The following EPHB1 variants were observed in gnomAD, a reference collection of about 807,000 sequenced individuals.
The protein encoded by EPHB1 is ephrin type-B receptor 1.
Under a neutral mutation model 94.4 loss-of-function variants are expected in EPHB1, and 30 were observed. The ratio of observed to expected loss-of-function variants is 0.32; its 90% CI spans 0.24 to 0.43. EPHB1 has a LOEUF of 0.43. EPHB1 is among the 20% of genes least tolerant of loss of function. The pLI is 1.00. For synonymous variants in EPHB1, 522 were observed against 489.1 expected (o/e 1.07, Z -0.89); for missense variants, 1,055 against 1,308.3 (o/e 0.81, Z 2.99).
chr3:135,078,332 C>G (rs1938022809), intron 3 of EPHB1, among the ~76,000 whole-genome samples: 1 of 152,180 alleles, frequency 6.6e-6, no homozygotes, highest in Non-Finnish European at 1.5e-5. Flanking sequence ...CCCAAGGGGC[C>G]TGAGGCTGCC....
At chr3:135,049,372 A>G (rs1180893692) in intron 3 of EPHB1, among the ~76,000 whole-genome samples, 1 of 152,256 alleles carries the variant, frequency 6.6e-6, no homozygotes, top group Non-Finnish European at 1.5e-5. Flanking sequence ...AATTGCAGTC[A>G]GATGATGGCT....
At chr3:134,991,915 C>T (rs1934817968) in intron 3 of EPHB1, among the ~76,000 whole-genome samples, 1 of 152,106 alleles carries the variant, frequency 6.6e-6, no homozygotes, top group Non-Finnish European at 1.5e-5. Flanking sequence ...GCTGCTTCTC[C>T]AGGTTGTGGT....
intron 3 of EPHB1, among the ~76,000 whole-genome samples, chr3:134,969,447 G>T (rs946512834): frequency 6.6e-6 from 1 of 152,190 alleles, no homozygotes; most frequent in East Asian, 1.9e-4. Flanking sequence ...TTCTCTTAGA[G>T]GAGCCCTGGG....
chr3:135,004,730 C>T (rs1018871777), intron 3 of EPHB1, among the ~76,000 whole-genome samples: 1 of 151,746 alleles, frequency 6.6e-6, no homozygotes, highest in African/African-American at 2.4e-5. Context: ...TACTGATACC[C>T]TTTCTTCCAG....
In EPHB1 at chr3:134,795,665, G is replaced by C; in HGVS notation, c.34G>C (p.Ala12Pro). 1.9e-6 allele frequency: 3 copies of C among 1,609,684 alleles called. No individual in the cohort carries two copies. Among genetic ancestry groups the C allele is most frequent in the Non-Finnish European group, 2.5e-6 (3 of 1,178,292 alleles). ...ALDYLLLLLL[A>P]SAVAAMEETL... Reference sequence around the variant, plus strand: ...GGATTATCTACTACTGCTCCTCCTGGCATCCGCAGTGGCTGCGATGGAAGG... The same window carrying C: ...GGATTATCTACTACTGCTCCTCCTGCCATCCGCAGTGGCTGCGATGGAAGG... The change falls in exon 1 of 16, where the codon GCA becomes CCA. Residue 12 changes from alanine (A) to proline (P), a missense_variant. By Grantham distance (27) the Ala-to-Pro change is conservative. Coordinates refer to ENST00000398015, the MANE Select transcript of EPHB1 (RefSeq NM_004441.5).
rs942280371 is a variant in EPHB1 at position 135,031,191 on chromosome 3, G to T, written c.806-75257G>T. ...GCAGAAATCACCTGTCTTCTGTGTC[G>T]TCAGGCTGAGAGCTGTAGACTGGAG... On this transcript the variant is annotated intron_variant, in intron 3 of 15. Transcript: ENST00000398015. Among the ~76,000 whole-genome samples, 3 of 152,316 alleles carry T rather than the reference G, an allele frequency of 2.0e-5. No individual in the cohort carries two copies. In the East Asian group the frequency reaches 5.8e-4, roughly 29 times the overall value.
intron 1 of EPHB1, among the ~76,000 whole-genome samples, chr3:134,851,394 C>G (rs1175558162): frequency 6.6e-6 from 1 of 152,134 alleles, no homozygotes; most frequent in Non-Finnish European, 1.5e-5. Flanking sequence ...CCTCTTTGCA[C>G]TTCCCCCTCT....
At chr3:135,123,665 C>A (rs553255559) in intron 4 of EPHB1, among the ~76,000 whole-genome samples, 1 of 152,330 alleles carries the variant, frequency 6.6e-6, no homozygotes, top group Non-Finnish European at 1.5e-5. Context: ...ACAGACAAGA[C>A]ATTCTGTCAC....
chr3:135,254,989 C>T (rs1356301610), intron 15 of EPHB1, among the ~76,000 whole-genome samples: 1 of 152,152 alleles, frequency 6.6e-6, no homozygotes, highest in Non-Finnish European at 1.5e-5. Context: ...TCTTGATTTT[C>T]TAGTTTATTT....
intron 3 of EPHB1, among the ~76,000 whole-genome samples, chr3:134,987,886 A>T (rs1336041484): frequency 6.6e-6 from 1 of 152,164 alleles, no homozygotes; most frequent in Non-Finnish European, 1.5e-5. Flanking sequence ...TTGATCTTGG[A>T]CGCCCAGCCT....
intron 13 of EPHB1, among the ~76,000 whole-genome samples, chr3:135,242,051 A>G (rs988189383): frequency 1.2e-4 from 19 of 152,212 alleles, no homozygotes; most frequent in African/African-American, 3.9e-4. Flanking sequence ...CCTTTGCTCC[A>G]TACTTACTAA....
At chr3:135,187,647 A>G (rs1475085217) in intron 10 of EPHB1, among the ~76,000 whole-genome samples, 1 of 152,120 alleles carries the variant, frequency 6.6e-6, no homozygotes, top group Non-Finnish European at 1.5e-5. Context: ...CTGCCTCTCT[A>G]TAAGGCTGTA....
intron 1 of EPHB1, among the ~76,000 whole-genome samples, chr3:134,922,768 G>A (rs1023200851): frequency 6.6e-6 from 1 of 152,176 alleles, no homozygotes; most frequent in Non-Finnish European, 1.5e-5. Context: ...CAGAGCTTCA[G>A]CAGAGCCCCT....
chr3:135,029,448 G>A (rs1441832333), intron 3 of EPHB1, among the ~76,000 whole-genome samples: 2 of 147,824 alleles, frequency 1.4e-5, no homozygotes, highest in African/African-American at 4.9e-5. Context: ...GCATTTGCTT[G>A]TCTATAAAGT....
chr3:135,214,556 C>G (rs4267663), intron 12 of EPHB1, among the ~76,000 whole-genome samples: 3 of 152,202 alleles, frequency 2.0e-5, no homozygotes, highest in Non-Finnish European at 4.4e-5. Flanking sequence ...CTCCAGAGGT[C>G]TTTGTTCTGT....
intron 1 of EPHB1, among the ~76,000 whole-genome samples, chr3:134,828,806 G>GACACC (rs2036531578): frequency 2.0e-5 from 3 of 152,176 alleles, no homozygotes; most frequent in Admixed American, 2.0e-4. Context: ...TCAGGGCATA[G>GACACC]ACACCTGGAT....
At chr3:135,207,957 C>T (rs1942941317) in intron 12 of EPHB1, among the ~76,000 whole-genome samples, 1 of 152,212 alleles carries the variant, frequency 6.6e-6, no homozygotes, top group Non-Finnish European at 1.5e-5. Flanking sequence ...TAACTGCAGT[C>T]ACCTCCCAGA....
At chr3:135,177,128 G>A (rs1259052300) in intron 9 of EPHB1, among the ~76,000 whole-genome samples, 3 of 152,110 alleles carry the variant, frequency 2.0e-5, no homozygotes, top group African/African-American at 7.2e-5. Flanking sequence ...AGCCACTTTG[G>A]GAGGGAGATG....
At chr3:135,165,222 G>A (rs1012136187) in intron 7 of EPHB1, among the ~76,000 whole-genome samples, 1 of 152,220 alleles carries the variant, frequency 6.6e-6, no homozygotes, top group Non-Finnish European at 1.5e-5. Flanking sequence ...CAGACAGGGT[G>A]AAATGTGCTT....
Sources: gnomAD v4.1 joint callset for allele counts (sites outside exome capture counted in the v4.1 genomes callset) on GRCh38, gnomAD v4.1.1 for gene constraint, MANE v1.5 for transcripts, NCBI Gene and HGNC (gene_info 2026-07-23, HGNC 2026-07-21) for gene names.